ASAP1: variants seen among roughly 807,000 people sequenced by gnomAD.
The protein encoded by ASAP1 is arf-GAP with SH3 domain, ANK repeat and PH domain-containing protein 1.
In ASAP1, 43 loss-of-function variants were observed where a neutral mutation model predicts 145.2. The ratio of observed to expected loss-of-function variants is 0.30; its 90% CI spans 0.23 to 0.38. The LOEUF is 0.38. Ranked by LOEUF, ASAP1 falls within the 10% of genes least tolerant of loss-of-function variation. The pLI is 1.00. For synonymous variants in ASAP1, 546 were observed against 515.5 expected, an observed-to-expected ratio of 1.06 and a Z score of -0.80; for missense variants, 1,018 against 1,355.3, an observed-to-expected ratio of 0.75 and a Z score of 3.91.
At chr8:130,290,327 G>T (rs1821871310) in intron 3 of ASAP1, among the ~76,000 whole-genome samples, 1 of 152,136 alleles carries the variant, frequency 6.6e-6, no homozygotes, top group African/African-American at 2.4e-5. Flanking sequence ...TGGTTCAGGT[G>T]AAACAGCAAG....
chr8:130,363,116 T>C (rs923541306), intron 2 of ASAP1, among the ~76,000 whole-genome samples: 1 of 152,256 alleles, frequency 6.6e-6, no homozygotes, highest in South Asian at 2.1e-4. Flanking sequence ...CTCAGTGTTC[T>C]GAGAATTCAA....
intron 25 of ASAP1, among the ~76,000 whole-genome samples, chr8:130,090,127 G>A (rs1257414689): frequency 6.6e-6 from 1 of 152,202 alleles, no homozygotes; most frequent in African/African-American, 2.4e-5. Flanking sequence ...AAAACGGCCA[G>A]CTGCTAGTCT....
intron 4 of ASAP1, among the ~76,000 whole-genome samples, chr8:130,222,825 A>T (rs1402742993): frequency 6.6e-6 from 1 of 152,196 alleles, no homozygotes; most frequent in East Asian, 1.9e-4. Flanking sequence ...AATGTCATAC[A>T]GCTAAGAAGC....
chr8:130,406,097 G>A (rs1276235068), intron 1 of ASAP1, among the ~76,000 whole-genome samples: 2 of 152,058 alleles, frequency 1.3e-5, no homozygotes, highest in African/African-American at 4.8e-5. Flanking sequence ...GTTTTTTGTT[G>A]TTGTTGTTGT....
At chr8:130,246,943 T>C (rs1455828709) in intron 3 of ASAP1, 2 of 152,186 alleles carry the variant, frequency 1.3e-5, no homozygotes, top group African/African-American at 2.4e-5. Context: ...AGAAATCAAC[T>C]ACCATTTGTT....
At chr8:130,122,674 A>G (rs780670532) in intron 18 of ASAP1, among the ~76,000 whole-genome samples, 1 of 152,220 alleles carries the variant, frequency 6.6e-6, no homozygotes, top group Admixed American at 6.5e-5. Context: ...CAGAGCTATG[A>G]TATGAACTCC....
chr8:130,353,264 C>T (rs1826106347), intron 3 of ASAP1, among the ~76,000 whole-genome samples: 1 of 152,100 alleles, frequency 6.6e-6, no homozygotes, highest in Non-Finnish European at 1.5e-5. Context: ...CAGGGCCTCC[C>T]CAAAAATGTG....
At chr8:130,133,776 G>C (rs538590198) in intron 15 of ASAP1, among the ~76,000 whole-genome samples, 1 of 152,052 alleles carries the variant, frequency 6.6e-6, no homozygotes, top group Admixed American at 6.5e-5. Flanking sequence ...TATTGACTCT[G>C]TTCACCCCAG....
intron 3 of ASAP1, among the ~76,000 whole-genome samples, chr8:130,247,653 T>A (rs936145816): frequency 1.3e-5 from 2 of 152,080 alleles, no homozygotes; most frequent in Non-Finnish European, 2.9e-5. Context: ...AAAAGCAAAG[T>A]GGGAAGGAGT....
intron 23 of ASAP1, among the ~76,000 whole-genome samples, chr8:130,113,703 T>C (rs1439430089): frequency 6.6e-6 from 1 of 152,198 alleles, no homozygotes; most frequent in African/African-American, 2.4e-5. Flanking sequence ...TGGGAGACTT[T>C]AGACAAGTTG....
intron 9 of ASAP1, among the ~76,000 whole-genome samples, chr8:130,172,442 A>G (rs1813652884): frequency 6.6e-6 from 1 of 152,232 alleles, no homozygotes; most frequent in African/African-American, 2.4e-5. Context: ...AACATTTTTT[A>G]AAAATAAGAG....
intron 1 of ASAP1, among the ~76,000 whole-genome samples, chr8:130,412,740 G>A (rs997154190): frequency 1.3e-5 from 2 of 150,762 alleles, no homozygotes; most frequent in African/African-American, 2.4e-5. Context: ...CAACCTCCAC[G>A]TCCTGGGTTC....
At chr8:130,267,354 T>C (rs1025350769) in intron 3 of ASAP1, among the ~76,000 whole-genome samples, 6 of 152,202 alleles carry the variant, frequency 3.9e-5, no homozygotes, top group African/African-American at 1.2e-4. Context: ...AAATGGTATG[T>C]TGTGATATAA....
intron 1 of ASAP1, among the ~76,000 whole-genome samples, chr8:130,420,128 C>T (rs76527033): frequency 0.027 from 4,032 of 151,834 alleles, 60 homozygotes; most frequent in Middle Eastern, 0.044. Context: ...CTTTATGTGG[C>T]CAAAAAGCAG....
intron 3 of ASAP1, among the ~76,000 whole-genome samples, chr8:130,256,740 TA>T (rs1350278157): frequency 2.4e-3 from 28 of 11,506 alleles, no homozygotes; most frequent in East Asian, 0.015. Flanking sequence ...TACACATTCT[TA>T]TATATATATA....
chr8:130,130,307 G>C (rs1564994601), intron 15 of ASAP1, among the ~76,000 whole-genome samples: 1 of 152,174 alleles, frequency 6.6e-6, no homozygotes, highest in Non-Finnish European at 1.5e-5. Context: ...GATTCTGTCA[G>C]ACCAGATGGG....
At chr8:130,136,467 C>A (rs560308740) in intron 14 of ASAP1, among the ~76,000 whole-genome samples, 2 of 152,000 alleles carry the variant, frequency 1.3e-5, no homozygotes, top group South Asian at 4.2e-4. Flanking sequence ...TAACTCTGGG[C>A]AAATTCGTTG....
Position 130,180,872 on chromosome 8 carries a change from A to G in ASAP1, c.539T>C (p.Ile180Thr). The change falls in exon 8 of 30, where the codon ATT (isoleucine) becomes ACT (threonine). Residue 180 changes from isoleucine (I) to threonine (T), a missense_variant. Coordinates refer to ENST00000518721, the MANE Select transcript of ASAP1 (RefSeq NM_018482.4). ...TGCGTGCTCTCTTTTCTCTTTCTCAATTTTTGTACTGTAATTAAAGCCAAT... is the reference window on the plus strand; with the variant it reads ...TGCGTGCTCTCTTTTCTCTTTCTCAGTTTTTGTACTGTAATTAAAGCCAAT... ...WKDYETKFTK[I>T]EKEKREHAKQ... The G allele has an allele frequency of 6.2e-7, 1 of 1,607,724 alleles. No homozygotes were observed. The highest frequency in any genetic ancestry group is 8.5e-7 in the Non-Finnish European group (1 of 1,178,458).
chr8:130,224,362 A>T (rs1490144484), intron 4 of ASAP1, among the ~76,000 whole-genome samples: 1 of 152,178 alleles, frequency 6.6e-6, no homozygotes, highest in Non-Finnish European at 1.5e-5. Context: ...CACTAATCAC[A>T]CTTATAAAAT....
Sources: gnomAD v4.1 joint callset for allele counts (sites outside exome capture counted in the v4.1 genomes callset) on GRCh38, gnomAD v4.1.1 for gene constraint, MANE v1.5 for transcripts, NCBI Gene and HGNC (gene_info 2026-07-23, HGNC 2026-07-21) for gene names.